SYBU: variants seen among roughly 807,000 people sequenced by gnomAD.
SYBU encodes the protein syntabulin.
Under a neutral mutation model 35.9 loss-of-function variants are expected in SYBU, and 21 were observed. The ratio of observed to expected loss-of-function variants is 0.58; its 90% confidence interval spans 0.41 to 0.84. The LOEUF (loss-of-function observed/expected upper bound fraction) is 0.84, where lower values mean the gene tolerates loss of function less well. Ranked by LOEUF, SYBU falls within the 40% of genes least tolerant of loss-of-function variation. The pLI is 0.00. For missense variants in SYBU, 768 were observed against 848.2 expected (o/e 0.91, Z 1.17); for synonymous variants, 319 against 324.3 (o/e 0.98, Z 0.18).
rs1457135132 is a variant in SYBU, at chr8:109,630,237, C to T, written c.230-11198G>A. Among the ~76,000 whole-genome samples the T allele has an allele frequency of 4.6e-5, 6 of 129,352 alleles. No individual in the cohort carries two copies. The Admixed American group carries it at 5.8e-4, about 13-fold the overall frequency. The allele number at this position is 129,352 out of a possible 152,430, so 84.9% of individuals were successfully genotyped here. A position where few individuals can be genotyped will look rare whatever the true frequency, so the allele number is the denominator to read the frequency against. On this transcript the variant is annotated intron_variant, in intron 2 of 6. Coordinates refer to ENST00000276646, the MANE Select transcript of SYBU (RefSeq NM_001099754.2). Reference sequence around the variant, plus strand: ...GAATTGAACAATGAGATCACATGGACACAGGAAGGGGAATATCACACTCTG... The same window carrying T: ...GAATTGAACAATGAGATCACATGGATACAGGAAGGGGAATATCACACTCTG...
chr8:109,585,985 G>T (rs2129696619), intron 4 of SYBU, 75 bp downstream of exon 4: 2 of 982,362 alleles, frequency 2.0e-6, no homozygotes, highest in Admixed American at 2.3e-5. Flanking sequence ...AATCCGGGTG[G>T]TTCTACAGAT....
At chr8:109,636,456 T>C (rs1352101220) in intron 2 of SYBU, among the ~76,000 whole-genome samples, 1 of 152,222 alleles carries the variant, frequency 6.6e-6, no homozygotes, top group Non-Finnish European at 1.5e-5. Context: ...CAATTGATTT[T>C]TCTAATCCCT....
At position 109,575,969 on chromosome 8, in the gene SYBU, C is replaced by T. The variant is rs1321101591; in HGVS notation, c.929G>A (p.Arg310Gln). Residue 310 changes from arginine (R) to glutamine (Q), a missense_variant, in exon 7 of 7, where the codon CGA (arginine) becomes CAA (glutamine). Transcript: ENST00000276646. The stretch of plus-strand genomic sequence containing the variant: ...ACACTCCTCCTCAATCCAGTCCTCT[C>T]GCATGCGGGCCAGCTGGGACTTAAG... Reference protein sequence around the residue: ...VELKSQLARMREDWIEEECHR... With the variant: ...VELKSQLARMQEDWIEEECHR... 44 of 1,610,096 alleles carry T rather than the reference C, an allele frequency of 2.7e-5. No individual in the cohort carries two copies. Among genetic ancestry groups the T allele is most frequent in the Non-Finnish European group, 3.6e-5 (43 of 1,179,756 alleles).
At chr8:109,648,602 C>T (rs1192446588), upstream of SYBU, 2 of 152,022 alleles carry the variant, frequency 1.3e-5, no homozygotes, top group African/African-American at 4.8e-5. Context: ...GAAGACAATA[C>T]AAATGCACTG....
chr8:109,594,885 T>G (rs1479124696), intron 3 of SYBU, among the ~76,000 whole-genome samples: 1 of 152,218 alleles, frequency 6.6e-6, no homozygotes, highest in Admixed American at 6.5e-5. Flanking sequence ...TCTCTGCCTT[T>G]TTAAAAATAA....
At chr8:109,685,304 A>G (rs1418882241), upstream of SYBU, among the ~76,000 whole-genome samples, 1 of 152,240 alleles carries the variant, frequency 6.6e-6, no homozygotes, top group Non-Finnish European at 1.5e-5. Flanking sequence ...ATAAATGTAT[A>G]TCAATTTCTG....
intron 3 of SYBU, among the ~76,000 whole-genome samples, chr8:109,616,986 A>G (rs1413401656): frequency 6.6e-6 from 1 of 152,056 alleles, no homozygotes; most frequent in Non-Finnish European, 1.5e-5. Flanking sequence ...TAAAAAAAAA[A>G]GTAGCCGGGC....
chr8:109,609,520 T>A (rs1413220003), intron 3 of SYBU, among the ~76,000 whole-genome samples: 1 of 152,222 alleles, frequency 6.6e-6, no homozygotes, highest in Non-Finnish European at 1.5e-5. Flanking sequence ...AGGATACTCA[T>A]ATATGTATAC....
At chr8:109,650,685 C>A (rs1816094259) in intron 1 of SYBU, among the ~76,000 whole-genome samples, 1 of 152,156 alleles carries the variant, frequency 6.6e-6, no homozygotes, top group Non-Finnish European at 1.5e-5. Flanking sequence ...TAACGCACTG[C>A]AGAAGAATTT....
At chr8:109,617,114 C>T (rs1016574517) in intron 3 of SYBU, among the ~76,000 whole-genome samples, 4 of 150,086 alleles carry the variant, frequency 2.7e-5, no homozygotes, top group East Asian at 2.0e-4. Flanking sequence ...CCAGTCTGGG[C>T]GACAGTGAGA....
chr8:109,661,346 T>G (rs1430091104), intron 1 of SYBU, among the ~76,000 whole-genome samples: 1 of 152,122 alleles, frequency 6.6e-6, no homozygotes, highest in African/African-American at 2.4e-5. Flanking sequence ...AATAAAAAAA[T>G]TATGATGTTT....
intron 5 of SYBU, among the ~76,000 whole-genome samples, chr8:109,579,461 G>C (rs961293112): frequency 2.6e-5 from 4 of 152,112 alleles, no homozygotes; most frequent in Admixed American, 1.3e-4. Flanking sequence ...GTCTTGCTCT[G>C]TTGCCCAGGC....
intron 3 of SYBU, among the ~76,000 whole-genome samples, chr8:109,609,568 T>C (rs1217248279): frequency 6.6e-6 from 1 of 152,204 alleles, no homozygotes; most frequent in African/African-American, 2.4e-5. Flanking sequence ...AGCTGTCCCA[T>C]GCTATCCAGT....
At chr8:109,644,415 C>T (rs989453200) in intron 1 of SYBU, among the ~76,000 whole-genome samples, 1 of 152,156 alleles carries the variant, frequency 6.6e-6, no homozygotes, top group African/African-American at 2.4e-5. Context: ...ACCCTCCAAT[C>T]ATGTCATTCT....
intron 6 of SYBU, 29 bp from the exon 7 acceptor site, chr8:109,576,042 TAAAAAAAAAAAAA>T (rs71305959): frequency 1.3e-4 from 112 of 846,590 alleles, no homozygotes; most frequent in Non-Finnish European, 1.5e-4. Flanking sequence ...CATGGTTAAT[TAAAAAAAAAAAAA>T]AAAAAAAAAA....
chr8:109,576,849 A>G (rs113719726), intron 6 of SYBU, among the ~76,000 whole-genome samples: 13 of 152,194 alleles, frequency 8.5e-5, no homozygotes, highest in Admixed American at 1.3e-4. Context: ...CCTCATATAT[A>G]TGAAGAGACA....
chr8:109,574,478 A>G lies in SYBU; in HGVS notation c.*428T>C, dbSNP rs967928480. ...AAACCAATTACACAAATACATGTTT[A>G]TTTTTGGTTACAGTCCCCTGCTATG... On this transcript the variant is annotated 3_prime_UTR_variant, in exon 7 of 7. Transcript: ENST00000276646. The G allele has an allele frequency of 4.5e-5, 7 of 156,436 alleles. No individual in the cohort carries two copies. Among genetic ancestry groups the G allele is most frequent in the Non-Finnish European group, 9.9e-5 (7 of 70,744 alleles). 9.7% of individuals were successfully genotyped at this position (156,436 alleles called of 1,614,324 possible).
At chr8:109,604,066 TAAAG>T (rs960123861) in intron 3 of SYBU, among the ~76,000 whole-genome samples, 13 of 149,838 alleles carry the variant, frequency 8.7e-5, no homozygotes, top group Non-Finnish European at 1.2e-4. Context: ...CAGAGAGAAA[TAAAG>T]AAAGAGAGGA....
intron 1 of SYBU, among the ~76,000 whole-genome samples, chr8:109,688,921 A>G (rs1310064592): frequency 6.6e-6 from 1 of 152,212 alleles, no homozygotes; most frequent in Admixed American, 6.5e-5. Flanking sequence ...CTAAGATGCT[A>G]TTTGATACTC....
Sources: allele counts gnomAD v4.1 joint callset (sites outside exome capture counted in the v4.1 genomes callset), GRCh38; gene constraint gnomAD v4.1.1; transcripts MANE v1.5; gene names NCBI Gene and HGNC (gene_info 2026-07-23, HGNC 2026-07-21).